The following LOXL2 variants were observed in gnomAD, a reference collection of about 807,000 sequenced individuals.
The protein encoded by LOXL2 is lysyl oxidase homolog 2.
LOXL2 carries 70 observed loss-of-function variants against 93.0 expected under a neutral mutation model. The observed-to-expected ratio is 0.75, with a 90% CI of 0.62 to 0.92. The LOEUF is 0.92. LOXL2 is among the 40% of genes least tolerant of loss of function. The pLI is 0.00. For synonymous variants in LOXL2, 438 were observed against 413.2 expected, an observed-to-expected ratio of 1.06 and a Z score of -0.73; for missense variants, 973 against 1,054.9, an observed-to-expected ratio of 0.92 and a Z score of 1.08.
intron 1 of LOXL2, among the ~76,000 whole-genome samples, chr8:23,395,330 A>C (rs1339432693): frequency 1.3e-5 from 2 of 151,824 alleles, no homozygotes; most frequent in Non-Finnish European, 1.5e-5. Flanking sequence ...AAAAAAAAAA[A>C]AAAAACCACA....
intron 8 of LOXL2, 57 bp downstream of exon 8, chr8:23,319,828 C>T (rs1345130560): frequency 1.3e-6 from 2 of 1,566,978 alleles, no homozygotes; most frequent in Non-Finnish European, 1.7e-6. Flanking sequence ...TGACTGAAGA[C>T]AGTGTGGTCA....
intron 3 of LOXL2, among the ~76,000 whole-genome samples, chr8:23,352,979 A>T (rs1284803348): frequency 7.7e-6 from 1 of 129,686 alleles, no homozygotes; most frequent in Non-Finnish European, 1.6e-5. Flanking sequence ...CCTTTAAAGG[A>T]TAGGTAAGGA....
intron 9 of LOXL2, among the ~76,000 whole-genome samples, chr8:23,314,980 C>G (rs1339067812): frequency 6.6e-6 from 1 of 152,132 alleles, no homozygotes; most frequent in Non-Finnish European, 1.5e-5. Context: ...GGAGGCTGGA[C>G]AACACAAGCC....
chr8:23,303,139 G>C, intron 11 of LOXL2, 143 bp downstream of exon 11: 1 of 666,886 alleles, frequency 1.5e-6, no homozygotes, highest in South Asian at 1.6e-5. Context: ...CACTATAGCT[G>C]AGGAAGGTCC....
intron 10 of LOXL2, among the ~76,000 whole-genome samples, chr8:23,303,917 A>G (rs1476849202): frequency 6.6e-6 from 1 of 152,216 alleles, no homozygotes; most frequent in Middle Eastern, 3.2e-3. Flanking sequence ...TAAGGAATAG[A>G]ACATGTGCCC....
At chr8:23,366,248 T>A (rs1386881661) in intron 2 of LOXL2, 1 of 152,208 alleles carries the variant, frequency 6.6e-6, no homozygotes, top group East Asian at 1.9e-4. Flanking sequence ...TGTGGAAGTA[T>A]CGGACGTTTG....
chr8:23,324,868 T>C (rs530373208), intron 6 of LOXL2, among the ~76,000 whole-genome samples: 1 of 152,364 alleles, frequency 6.6e-6, no homozygotes, highest in African/African-American at 2.4e-5. Context: ...GTTCTGCATA[T>C]TGTAAAGCTA....
chr8:23,332,872 G>A (rs1204724745), intron 5 of LOXL2, among the ~76,000 whole-genome samples: 1 of 112,636 alleles, frequency 8.9e-6, no homozygotes, highest in Non-Finnish European at 1.7e-5. Context: ...TCATACACAC[G>A]CACAGACTCA....
chr8:23,308,068 T>C (rs1467481963), intron 10 of LOXL2, among the ~76,000 whole-genome samples: 1 of 152,102 alleles, frequency 6.6e-6, no homozygotes, highest in African/African-American at 2.4e-5. Flanking sequence ...TCCTGCTCTC[T>C]GCAACTCCTA....
At chr8:23,307,861 C>T (rs1387303735) in intron 10 of LOXL2, among the ~76,000 whole-genome samples, 1 of 142,490 alleles carries the variant, frequency 7.0e-6, no homozygotes, top group Non-Finnish European at 1.5e-5. Flanking sequence ...AAATCAGCAC[C>T]CCTGAATTCT....
chr8:23,394,985 G>A (rs1170029963), intron 1 of LOXL2, among the ~76,000 whole-genome samples: 3 of 152,220 alleles, frequency 2.0e-5, no homozygotes, highest in Admixed American at 1.3e-4. Context: ...GGGGAGCACC[G>A]TGGCTCCCGC....
At chr8:23,314,836 AAAAT>A (rs1050860338) in intron 9 of LOXL2, among the ~76,000 whole-genome samples, 94 of 142,422 alleles carry the variant, frequency 6.6e-4, no homozygotes, top group African/African-American at 2.7e-3. Context: ...AAAAAAGAAA[AAAAT>A]AAAAATAAAA....
chr8:23,307,183 G>A (rs1441412485), intron 10 of LOXL2, among the ~76,000 whole-genome samples: 4 of 152,094 alleles, frequency 2.6e-5, no homozygotes, highest in Non-Finnish European at 4.4e-5. Flanking sequence ...AGGAGAGGAA[G>A]GGCCAGCTCT....
At chr8:23,394,560 T>C (rs1478544352) in intron 1 of LOXL2, among the ~76,000 whole-genome samples, 1 of 152,098 alleles carries the variant, frequency 6.6e-6, no homozygotes, top group Non-Finnish European at 1.5e-5. Context: ...TACCACTTCA[T>C]ACCCATAAAG....
At chr8:23,328,980 A>T (rs1323196173) in intron 5 of LOXL2, 2 of 177,356 alleles carry the variant, frequency 1.1e-5, no homozygotes, top group East Asian at 3.2e-4. Flanking sequence ...TACCCTCCAA[A>T]GTCTGCAGAT....
At chr8:23,374,436 C>A (rs79107239) in intron 1 of LOXL2, among the ~76,000 whole-genome samples, 89,132 of 151,946 alleles carry the variant, frequency 0.59, 27,071 homozygotes, top group African/African-American at 0.74. Context: ...TTACAGCAGC[C>A]TGATTTATAA....
chr8:23,369,988 G>A (rs187195849), intron 1 of LOXL2, among the ~76,000 whole-genome samples: 1 of 152,244 alleles, frequency 6.6e-6, no homozygotes, highest in African/African-American at 2.4e-5. Context: ...AACCAGAGAG[G>A]GTTAGAGATT....
chr8:23,371,363 T>C (rs1804489559), intron 1 of LOXL2, among the ~76,000 whole-genome samples: 3 of 152,072 alleles, frequency 2.0e-5, no homozygotes, highest in Admixed American at 6.6e-5. Flanking sequence ...ATGAAGAGTA[T>C]GAAGTAGGAA....
chr8:23,367,484 G>A (rs564060857), intron 2 of LOXL2, among the ~76,000 whole-genome samples: 1 of 152,344 alleles, frequency 6.6e-6, no homozygotes, highest in African/African-American at 2.4e-5. Context: ...GCAGGTTAGT[G>A]TGAAAACGAT....
Sources: allele counts gnomAD v4.1 joint callset (sites outside exome capture counted in the v4.1 genomes callset), GRCh38; gene constraint gnomAD v4.1.1; transcripts MANE v1.5; gene names NCBI Gene and HGNC (gene_info 2026-07-23, HGNC 2026-07-21).